STPG2: variants seen among roughly 807,000 people sequenced by gnomAD.
STPG2 encodes sperm-tail PG-rich repeat-containing protein 2.
STPG2 carries 56 observed loss-of-function variants against 54.2 expected under a neutral mutation model. The observed-to-expected ratio is 1.03, with a 90% CI of 0.83 to 1.29. STPG2 has a LOEUF of 1.29. Among genes scored for constraint, STPG2 ranks in the 50% most tolerant of loss-of-function variants. The pLI is 0.00. For missense variants in STPG2, 596 were observed against 544.9 expected (o/e 1.09, Z -0.93); for synonymous variants, 200 against 181.8 (o/e 1.10, Z -0.81).
intron 10 of STPG2, among the ~76,000 whole-genome samples, chr4:97,592,278 C>G (rs931569889): frequency 2.0e-5 from 3 of 151,890 alleles, no homozygotes; most frequent in Admixed American, 6.6e-5. Flanking sequence ...TAAATGAAAG[C>G]CAAAAAATAT....
chr4:97,493,314 G>A (rs2148828491), intron 4 of STPG2, among the ~76,000 whole-genome samples: 2 of 151,488 alleles, frequency 1.3e-5, no homozygotes, highest in Middle Eastern at 3.4e-3. Flanking sequence ...ATTGTTTGAA[G>A]TTACTAACTT....
intron 9 of STPG2, among the ~76,000 whole-genome samples, chr4:97,808,111 A>G (rs535572074): frequency 4.6e-5 from 7 of 152,028 alleles, no homozygotes; most frequent in Non-Finnish European, 1.0e-4. Flanking sequence ...TCACCAGCAG[A>G]ACCATACTAA....
chr4:97,783,061 A>C (rs978999025), intron 9 of STPG2, among the ~76,000 whole-genome samples: 16 of 152,228 alleles, frequency 1.1e-4, no homozygotes, highest in Admixed American at 1.0e-3. Context: ...AATGGCAACA[A>C]AAGCCAAAAT....
chr4:97,754,347 T>C (rs149770517), intron 9 of STPG2, among the ~76,000 whole-genome samples: 238 of 152,240 alleles, frequency 1.6e-3, no homozygotes, highest in African/African-American at 5.6e-3. Context: ...GAAAACTCTG[T>C]AATGCCCAAT....
At chr4:97,930,526 C>A (rs536857553) in intron 8 of STPG2, among the ~76,000 whole-genome samples, 2 of 152,144 alleles carry the variant, frequency 1.3e-5, no homozygotes, top group African/African-American at 2.4e-5. Flanking sequence ...TTTTTTGTTC[C>A]ATTGGTCTAT....
chr4:98,020,830 T>C (rs1736158147), intron 5 of STPG2, among the ~76,000 whole-genome samples: 1 of 152,182 alleles, frequency 6.6e-6, no homozygotes, highest in African/African-American at 2.4e-5. Flanking sequence ...TATTCTCTGA[T>C]GGTAGTTTGT....
At chr4:97,507,808 A>G (rs1458311715) in intron 4 of STPG2, among the ~76,000 whole-genome samples, 1 of 152,096 alleles carries the variant, frequency 6.6e-6, no homozygotes, top group African/African-American at 2.4e-5. Flanking sequence ...TGCCTTCCCC[A>G]CAAAGAGTCA....
chr4:97,736,415 A>G (rs1724994875), intron 9 of STPG2, among the ~76,000 whole-genome samples: 1 of 152,208 alleles, frequency 6.6e-6, no homozygotes, highest in Non-Finnish European at 1.5e-5. Flanking sequence ...GCATTGCCTC[A>G]CTCAGGAAGC....
chr4:97,880,606 AAT>A (rs1350115523), intron 8 of STPG2, among the ~76,000 whole-genome samples: 1 of 152,166 alleles, frequency 6.6e-6, no homozygotes, highest in African/African-American at 2.4e-5. Context: ...TGGTTAAGAA[AAT>A]ATGTCTTTTA....
At chr4:97,932,047 T>A (rs1347089982) in intron 8 of STPG2, among the ~76,000 whole-genome samples, 1 of 152,184 alleles carries the variant, frequency 6.6e-6, no homozygotes, top group East Asian at 1.9e-4. Context: ...TTTGCAGTAG[T>A]TTCTGATGGC....
chr4:97,969,742 A>C (rs533564056), intron 7 of STPG2, among the ~76,000 whole-genome samples: 1 of 152,322 alleles, frequency 6.6e-6, no homozygotes, highest in African/African-American at 2.4e-5. Flanking sequence ...TTCCCTTTGA[A>C]AACTGGCACA....
chr4:97,734,997 C>T lies in STPG2; in HGVS notation c.1205-22183G>A, dbSNP rs948384570. Among the ~76,000 whole-genome samples the T allele has an allele frequency of 1.3e-4, 20 of 150,680 alleles. 3 individuals are homozygous for T. The highest frequency in any genetic ancestry group is 9.3e-4 in the Admixed American group (14 of 15,088). On this transcript the variant is annotated intron_variant, in intron 9 of 10. Coordinates refer to ENST00000295268, the MANE Select transcript of STPG2 (RefSeq NM_174952.3). The stretch of plus-strand genomic sequence containing the variant: ...CTGAGGCAGGAGAATGGCATGAACC[C>T]AGGAGGCGGAGCTGGCAGTGAGTTG...
chr4:97,938,825 T>C (rs1170383299), intron 8 of STPG2, among the ~76,000 whole-genome samples: 1 of 151,952 alleles, frequency 6.6e-6, no homozygotes, highest in Non-Finnish European at 1.5e-5. Context: ...GATACCTTGG[T>C]TGCCAGTATA....
intron 5 of STPG2, among the ~76,000 whole-genome samples, chr4:98,045,187 GTC>G (rs1479339224): frequency 6.7e-6 from 1 of 150,012 alleles, no homozygotes; most frequent in Non-Finnish European, 1.5e-5. Flanking sequence ...CCTGTCACCT[GTC>G]TTCACTGCCT....
At chr4:97,695,208 G>A (rs1723530889) in intron 10 of STPG2, among the ~76,000 whole-genome samples, 1 of 151,870 alleles carries the variant, frequency 6.6e-6, no homozygotes, top group Non-Finnish European at 1.5e-5. Flanking sequence ...GTCAATATGT[G>A]TGATATACCA....
At chr4:97,733,560 AC>A (rs1724875245) in intron 9 of STPG2, among the ~76,000 whole-genome samples, 2 of 152,096 alleles carry the variant, frequency 1.3e-5, no homozygotes, top group African/African-American at 4.8e-5. Context: ...CAAAAAAAAA[AC>A]ACTTGTACCC....
chr4:97,676,425 G>A (rs1722847866), intron 10 of STPG2, among the ~76,000 whole-genome samples: 1 of 151,932 alleles, frequency 6.6e-6, no homozygotes, highest in South Asian at 2.1e-4. Flanking sequence ...CTTATTCCCT[G>A]TATTAAATTA....
chr4:98,036,250 G>A (rs1453676773), intron 5 of STPG2, among the ~76,000 whole-genome samples: 1 of 152,056 alleles, frequency 6.6e-6, no homozygotes, highest in African/African-American at 2.4e-5. Flanking sequence ...AAAGTATGGT[G>A]ATTCCTCAAA....
At chr4:98,125,861 G>C (rs868496214) in intron 3 of STPG2, among the ~76,000 whole-genome samples, 4 of 152,314 alleles carry the variant, frequency 2.6e-5, no homozygotes, top group Middle Eastern at 3.4e-3. Context: ...TAAACCCCTG[G>C]CTGGAGTTGC....
Sources: allele counts gnomAD v4.1 joint callset (sites outside exome capture counted in the v4.1 genomes callset), GRCh38; gene constraint gnomAD v4.1.1; transcripts MANE v1.5; gene names NCBI Gene and HGNC (gene_info 2026-07-23, HGNC 2026-07-21).